The following TMC4 variants were observed in gnomAD, a reference collection of about 807,000 sequenced individuals.
The protein encoded by TMC4 is transmembrane channel like 4, also known as voltage-gated chloride channel TMC4.
TMC4 carries 70 observed loss-of-function variants against 82.0 expected under a neutral mutation model. The ratio of observed to expected loss-of-function variants is 0.85; its 90% CI spans 0.70 to 1.04. The LOEUF (loss-of-function observed/expected upper bound fraction) is 1.04, where lower values mean the gene tolerates loss of function less well. Among genes scored for constraint, TMC4 ranks in the 50% least tolerant of loss-of-function variants. The probability of loss-of-function intolerance (pLI) is 0.00; values close to 1 mark genes in which losing one functional copy is unlikely to be tolerated. For missense variants in TMC4, 879 were observed against 899.0 expected (o/e 0.98, Z 0.28); for synonymous variants, 446 against 406.0 (o/e 1.10, Z -1.18).
chr19:54,165,571 G>A lies in TMC4; in HGVS notation c.798-5C>T, dbSNP rs1472114359. 1.9e-6 allele frequency: 3 copies of A among 1,596,624 alleles called. No individual in the cohort carries two copies. Among genetic ancestry groups the A allele is most frequent in the Non-Finnish European group, 2.6e-6 (3 of 1,167,502 alleles). ...TGCTTCAGCCCAGACACCGAGCTGAGAGGGGAGACCCGGGAGACGGGAAGT... is the reference window on the plus strand; with the variant it reads ...TGCTTCAGCCCAGACACCGAGCTGAAAGGGGAGACCCGGGAGACGGGAAGT... On this transcript the variant is annotated splice_polypyrimidine_tract_variant and splice_region_variant and intron_variant, in intron 5 of 14. Transcript: ENST00000619895.
chr19:54,169,405 C>A, intron 3 of TMC4, 107 bp downstream of exon 3: 1 of 1,445,468 alleles, frequency 6.9e-7, no homozygotes, highest in Non-Finnish European at 9.2e-7. Context: ...AAAATCCAGG[C>A]CCAAGCCCCT....
At chr19:54,161,636 T>C (rs1474293039) in intron 11 of TMC4, among the ~76,000 whole-genome samples, 1 of 152,158 alleles carries the variant, frequency 6.6e-6, no homozygotes, top group Non-Finnish European at 1.5e-5. Flanking sequence ...CCTCCCTGGT[T>C]CAAGCAATTC....
intron 6 of TMC4, among the ~76,000 whole-genome samples, chr19:54,165,108 A>C: frequency 7.2e-6 from 1 of 139,542 alleles, no homozygotes; most frequent in South Asian, 2.2e-4. Context: ...GAGCCTCCCT[A>C]TGTTGCCCAG....
At position 54,165,372 on chromosome 19, in the gene TMC4, T is replaced by A. The variant is rs766492314; in HGVS notation, c.945+47A>T. 1.9e-6 allele frequency: 3 copies of A among 1,543,280 alleles called. No homozygotes were observed. In the Admixed American group the frequency reaches 5.3e-5, roughly 27 times the overall value. ...GGCCCTGTGCGTTATCTCAGCCCGGTCCTGTCTGGTCCCTACCCAGTTGCA... is the reference window on the plus strand; with the variant it reads ...GGCCCTGTGCGTTATCTCAGCCCGGACCTGTCTGGTCCCTACCCAGTTGCA... On this transcript the variant is annotated intron_variant, in intron 6 of 14. Coordinates refer to ENST00000619895, the MANE Select transcript of TMC4 (RefSeq NM_144686.4).
intron 5 of TMC4, among the ~76,000 whole-genome samples, 193 bp downstream of exon 5, chr19:54,167,978 G>T (rs1015188934): frequency 6.6e-6 from 1 of 151,810 alleles, no homozygotes; most frequent in African/African-American, 2.4e-5. Flanking sequence ...CAGGAGAATC[G>T]CTTGAAACCG....
chr19:54,160,451 G>A lies in TMC4; in HGVS notation c.2052+16C>T, dbSNP rs1283382293. 1 of 1,612,516 alleles carries A rather than the reference G, an allele frequency of 6.2e-7. No homozygotes were observed. Among genetic ancestry groups the A allele is most frequent in the African/African-American group, 1.3e-5 (1 of 74,868 alleles). On this transcript the variant is annotated intron_variant, in intron 14 of 14. Coordinates refer to ENST00000619895, the MANE Select transcript of TMC4 (RefSeq NM_144686.4). ...CATGTTCCCCAGGGGCCCTCTCAGG[G>A]ACCCGCCTGGCTCACCGTCTCTCTC...
At position 54,163,812 on chromosome 19, in the gene TMC4, C is replaced by A. The variant is rs145048832; in HGVS notation, c.1189G>T (p.Val397Phe). ...AACACGGGCGGCAGCACAAAATTGACCCCAGCGATGAAGATGGACGGAAGG... is the reference window on the plus strand; with the variant it reads ...AACACGGGCGGCAGCACAAAATTGAACCCAGCGATGAAGATGGACGGAAGG... ...NYLPSIFIAG[V>F]NFVLPPVFKL... is the part of the protein sequence containing the mutation. Residue 397 changes from valine (V) to phenylalanine (F), a missense_variant, in exon 8 of 15, where the codon GTC becomes TTC. Physicochemically the swap from Val to Phe is conservative, Grantham distance 50. Transcript: ENST00000619895. The A allele has an allele frequency of 6.2e-6, 10 of 1,613,840 alleles. No individual in the cohort carries two copies. The highest frequency in any genetic ancestry group is 8.5e-6 in the Non-Finnish European group (10 of 1,180,010).
chr19:54,169,367 AC>A (rs1195687834), intron 3 of TMC4, 144 bp downstream of exon 3: 2 of 1,080,682 alleles, frequency 1.9e-6, no homozygotes, highest in African/African-American at 3.2e-5. Flanking sequence ...AAGAGTCCAG[AC>A]CCCCAGCCCC....
Position 54,171,803 on chromosome 19 carries a change from G to A in TMC4, c.293+67C>T, listed in dbSNP as rs897601916. On this transcript the variant is annotated intron_variant, in intron 2 of 14. Transcript: ENST00000619895. Reference sequence around the variant, plus strand: ...CGGCAGAGGACAGAGGGAGGAGACCGAGTCCAGGGTATGGGAGAAGGGCCC... The same window carrying A: ...CGGCAGAGGACAGAGGGAGGAGACCAAGTCCAGGGTATGGGAGAAGGGCCC... 7.0e-6 allele frequency: 10 copies of A among 1,419,940 alleles called. No homozygotes were observed. In the East Asian group the frequency reaches 1.7e-4, roughly 25 times the overall value. The allele number at this position is 1,419,940 out of a possible 1,614,324, so 88.0% of individuals were successfully genotyped here.
intron 6 of TMC4, 72 bp from the exon 7 acceptor site, chr19:54,164,673 C>T: frequency 6.3e-7 from 1 of 1,584,958 alleles, no homozygotes; most frequent in Non-Finnish European, 8.6e-7. Flanking sequence ...CCAGGTCTGG[C>T]TCTCCAGAGA....
At chr19:54,163,659 G>GACA in intron 8 of TMC4, 65 bp downstream of exon 8, 1 of 1,574,200 alleles carries the variant, frequency 6.4e-7, no homozygotes, top group Non-Finnish European at 8.7e-7. Context: ...TTACCTGTCA[G>GACA]CGCCAACATC....
intron 11 of TMC4, 21 bp from the exon 12 acceptor site, chr19:54,161,281 G>T: frequency 6.7e-7 from 1 of 1,484,382 alleles, no homozygotes; most frequent in Non-Finnish European, 9.0e-7. Flanking sequence ...AAGGCACGGA[G>T]AAAAGGGCTC....
chr19:54,170,945 C>T (rs967647744), intron 2 of TMC4, among the ~76,000 whole-genome samples: 1 of 151,800 alleles, frequency 6.6e-6, no homozygotes, highest in African/African-American at 2.4e-5. Flanking sequence ...ATGGGGGTCT[C>T]GCTATGTTAC....
At chr19:54,166,907 CGCACTACT>C (rs1211214468) in intron 5 of TMC4, among the ~76,000 whole-genome samples, 1 of 151,678 alleles carries the variant, frequency 6.6e-6, no homozygotes, top group Non-Finnish European at 1.5e-5. Flanking sequence ...GAGCTGAGAT[CGCACTACT>C]GCACTCTAGC....
At position 54,165,840 on chromosome 19, in the gene TMC4, G is replaced by A. The variant is rs532444968; in HGVS notation, c.798-274C>T. Among the ~76,000 whole-genome samples, 13 of 152,276 alleles carry A rather than the reference G, an allele frequency of 8.5e-5. No individual in the cohort carries two copies. In the East Asian group the frequency reaches 2.5e-3, roughly 29 times the overall value. On this transcript the variant is annotated intron_variant, in intron 5 of 14. Transcript: ENST00000619895. ...GACAGGGACAGAGCCTCGGAGCGAAGGGGGCAGAAACCCAGAGTGAGAGAA... is the reference window on the plus strand; with the variant it reads ...GACAGGGACAGAGCCTCGGAGCGAAAGGGGCAGAAACCCAGAGTGAGAGAA...
At position 54,168,800 on chromosome 19, in the gene TMC4, TTC is replaced by T. The variant is rs1320175333; in HGVS notation, c.443-122_443-121del. On this transcript the variant is annotated intron_variant, in intron 3 of 14. Coordinates refer to ENST00000619895, the MANE Select transcript of TMC4 (RefSeq NM_144686.4). ...CTTTCTTTCTTTTCTTTTCTTTCTT[TTC>T]TTTTCTTTTCTTTTCTTTTCTTTTC... The T allele has an allele frequency of 3.4e-5, 2 of 58,618 alleles. 1 individual carries two copies. Among genetic ancestry groups the T allele is most frequent in the Non-Finnish European group, 5.2e-5 (2 of 38,830 alleles). 3.6% of individuals were successfully genotyped at this position (58,618 alleles called of 1,614,324 possible).
chr19:54,161,015 C>A lies in TMC4; in HGVS notation c.1836G>T (p.Leu612=), dbSNP rs36656. ...ACGACTGCCCCCGGAATGGACCACA[C>A]AGCTTAGAAGGCGGGATCCTGAAGT... The part of the protein sequence containing the change: ...YSIFLIPPSK[L]CGPFRGQSSI... The change falls in exon 13 of 15, where the codon CTG becomes CTT. Residue 612 remains leucine (L), a synonymous_variant. Transcript: ENST00000619895. 0.52 allele frequency: 833,673 copies of A among 1,613,600 alleles called. 218,147 individuals carry two copies. Among genetic ancestry groups the A allele is most frequent in the East Asian group, 0.79 (35,225 of 44,850 alleles).
intron 13 of TMC4, 131 bp from the exon 14 acceptor site, chr19:54,160,676 A>AG: frequency 6.7e-7 from 1 of 1,494,038 alleles, no homozygotes; most frequent in South Asian, 1.2e-5. Context: ...TCAGTCTCCC[A>AG]GCCCCTCCGC....
In TMC4 at chr19:54,168,475, G is replaced by A. The variant is rs1229745086; in HGVS notation, c.648C>T (p.Thr216=). 1.0e-5 allele frequency: 16 copies of A among 1,546,528 alleles called. No homozygotes were observed. Among genetic ancestry groups the A allele is most frequent in the Non-Finnish European group, 1.4e-5 (16 of 1,145,114 alleles). Residue 216 remains threonine (T), a synonymous_variant, in exon 4 of 15, where the codon ACC becomes ACT. Coordinates refer to ENST00000619895, the MANE Select transcript of TMC4 (RefSeq NM_144686.4). The stretch of plus-strand genomic sequence containing the variant: ...CACCCGAGAGCAAGTTGAAGAGCTG[G>A]GTGGCAAAGGTGACCAGGCCCTGGG... ...PHSQGLVTFA[T]QLFNLLSGEG... is the part of the protein sequence containing the mutation.
Sources: gnomAD v4.1 joint callset for allele counts (sites outside exome capture counted in the v4.1 genomes callset) on GRCh38, gnomAD v4.1.1 for gene constraint, MANE v1.5 for transcripts, NCBI Gene and HGNC (gene_info 2026-07-23, HGNC 2026-07-21) for gene names.